Variants in CTNND2 observed in about 807,000 individuals in gnomAD.
CTNND2 encodes catenin delta 2.
In CTNND2, 22 loss-of-function variants were observed where a neutral mutation model predicts 144.4. The ratio of observed to expected loss-of-function variants is 0.15; its 90% CI spans 0.11 to 0.22. The LOEUF (loss-of-function observed/expected upper bound fraction) is 0.22. Ranked by LOEUF, CTNND2 falls within the 10% of genes least tolerant of loss-of-function variation. The pLI is 1.00. For synonymous variants in CTNND2, 751 were observed against 695.6 expected, an observed-to-expected ratio of 1.08 and a Z score of -1.25; for missense variants, 1,353 against 1,618.8, an observed-to-expected ratio of 0.84 and a Z score of 2.82.
intron 1 of CTNND2, among the ~76,000 whole-genome samples, chr5:11,807,441 C>T (rs1031776189): frequency 2.6e-5 from 4 of 152,100 alleles, no homozygotes; most frequent in Non-Finnish European, 5.9e-5. Flanking sequence ...TTTTAACTTA[C>T]GTGATATTCA....
intron 2 of CTNND2, among the ~76,000 whole-genome samples, chr5:11,638,898 C>T (rs1781847481): frequency 2.0e-5 from 3 of 152,120 alleles, no homozygotes; most frequent in Admixed American, 2.0e-4. Context: ...TAGAACAAGG[C>T]AGGTTTCTTA....
chr5:11,511,066 C>T (rs1338936249), intron 3 of CTNND2, among the ~76,000 whole-genome samples: 1 of 152,178 alleles, frequency 6.6e-6, no homozygotes, highest in Non-Finnish European at 1.5e-5. Flanking sequence ...TCCAAGTATG[C>T]TAACTGTATG....
At chr5:11,087,834 T>C (rs2149646337) in intron 15 of CTNND2, among the ~76,000 whole-genome samples, 1 of 152,296 alleles carries the variant, frequency 6.6e-6, no homozygotes, top group African/African-American at 2.4e-5. Context: ...CCCATATGTT[T>C]ATGCAATGCT....
chr5:11,648,802 T>C (rs1020123712), intron 2 of CTNND2, among the ~76,000 whole-genome samples: 5 of 152,192 alleles, frequency 3.3e-5, no homozygotes, highest in African/African-American at 4.8e-5. Flanking sequence ...TTAATCTCAC[T>C]GGATTAATTT....
intron 14 of CTNND2, among the ~76,000 whole-genome samples, chr5:11,103,064 C>G (rs1752071797): frequency 6.8e-6 from 1 of 146,286 alleles, no homozygotes; most frequent in Non-Finnish European, 1.5e-5. Context: ...TCACTGCAAC[C>G]TCTGCCTCCT....
At chr5:11,813,732 G>A (rs7446846) in intron 1 of CTNND2, among the ~76,000 whole-genome samples, 12,251 of 152,072 alleles carry the variant, frequency 0.081, 1,423 homozygotes, top group African/African-American at 0.26. Context: ...TAGGCTGGGC[G>A]CAAACTCCTG....
intron 7 of CTNND2, among the ~76,000 whole-genome samples, chr5:11,380,576 T>A (rs1205540889): frequency 1.3e-5 from 2 of 152,196 alleles, no homozygotes; most frequent in African/African-American, 4.8e-5. Flanking sequence ...ATATGATTTT[T>A]TTAAATAAAA....
chr5:11,467,261 T>TGG (rs1766768326), intron 3 of CTNND2, among the ~76,000 whole-genome samples: 1 of 152,202 alleles, frequency 6.6e-6, no homozygotes, highest in Non-Finnish European at 1.5e-5. Context: ...CCAGGCGTGA[T>TGG]GGGCAAGCTC....
chr5:11,461,302 A>G (rs1486357029), intron 3 of CTNND2, among the ~76,000 whole-genome samples: 1 of 152,164 alleles, frequency 6.6e-6, no homozygotes, highest in African/African-American at 2.4e-5. Context: ...CTGGAAATGC[A>G]TGCAGAATGC....
chr5:11,140,551 A>T (rs1756622799), intron 12 of CTNND2, among the ~76,000 whole-genome samples: 1 of 152,176 alleles, frequency 6.6e-6, no homozygotes, highest in South Asian at 2.1e-4. Flanking sequence ...CTCTATAACT[A>T]CCTATTGAGA....
At chr5:11,485,206 C>A (rs1325974521) in intron 3 of CTNND2, among the ~76,000 whole-genome samples, 3 of 152,014 alleles carry the variant, frequency 2.0e-5, no homozygotes, top group Admixed American at 2.0e-4. Flanking sequence ...AACATAAAAA[C>A]AAAATGTAGA....
Position 11,452,412 on chromosome 5 carries a change from A to C in CTNND2, c.288-40343T>G, listed in dbSNP as rs76001508. On this transcript the variant is annotated intron_variant, in intron 3 of 21. Transcript: ENST00000304623. ...TAATTTCTCTTAAAAGTATCGAAAA[A>C]ATAATTTTTAAAAATGTGACTGGAA... Among the ~76,000 whole-genome samples, 852 of 152,288 alleles carry C rather than the reference A, an allele frequency of 5.6e-3. 4 individuals carry two copies. The highest frequency in any genetic ancestry group is 0.02 in the African/African-American group (825 of 41,546).
chr5:11,897,484 G>C (rs1227126836), intron 1 of CTNND2, among the ~76,000 whole-genome samples: 1 of 152,126 alleles, frequency 6.6e-6, no homozygotes, highest in Non-Finnish European at 1.5e-5. Flanking sequence ...GGCAGAAAAA[G>C]CTGTGGAAAA....
rs143760488 is a variant in CTNND2, at chr5:11,747,951, G to A, written c.38-15679C>T. ...CCACTTCACAATTTCTCAAGATACC[G>A]AAGCTCAATGACACATCTAGTTTTT... On this transcript the variant is annotated intron_variant, in intron 1 of 21. Coordinates refer to ENST00000304623, the MANE Select transcript of CTNND2 (RefSeq NM_001332.4). Among the ~76,000 whole-genome samples the A allele has an allele frequency of 1.2e-3, 183 of 152,158 alleles. 1 individual carries two copies. Among genetic ancestry groups the A allele is most frequent in the Non-Finnish European group, 2.1e-3 (142 of 68,000 alleles).
chr5:11,225,105 C>A (rs531468228), intron 10 of CTNND2, among the ~76,000 whole-genome samples: 23 of 152,168 alleles, frequency 1.5e-4, no homozygotes, highest in Admixed American at 3.9e-4. Context: ...ACAAAAAAAA[C>A]CAGGAACTTG....
intron 1 of CTNND2, among the ~76,000 whole-genome samples, chr5:11,756,823 G>T (rs1372534335): frequency 6.6e-6 from 1 of 151,264 alleles, no homozygotes; most frequent in East Asian, 2.0e-4. Context: ...AACATTTTTA[G>T]TTCTCTCCTC....
chr5:11,874,854 C>T (rs1735437556), intron 1 of CTNND2, among the ~76,000 whole-genome samples: 1 of 152,182 alleles, frequency 6.6e-6, no homozygotes, highest in African/African-American at 2.4e-5. Flanking sequence ...CCCAGATAGC[C>T]TGTACTATTC....
intron 10 of CTNND2, among the ~76,000 whole-genome samples, chr5:11,212,540 T>C (rs1194919717): frequency 6.6e-6 from 1 of 152,188 alleles, no homozygotes; most frequent in Non-Finnish European, 1.5e-5. Context: ...GGCCCTTAAA[T>C]TCACCCAAAG....
chr5:11,800,927 G>A (rs1385818552), intron 1 of CTNND2, among the ~76,000 whole-genome samples: 1 of 152,162 alleles, frequency 6.6e-6, no homozygotes, highest in Admixed American at 6.5e-5. Flanking sequence ...TTAAGTAGCA[G>A]TAACATGCTA....
Sources: gnomAD v4.1 joint callset for allele counts (sites outside exome capture counted in the v4.1 genomes callset) on GRCh38, gnomAD v4.1.1 for gene constraint, MANE v1.5 for transcripts, NCBI Gene and HGNC (gene_info 2026-07-23, HGNC 2026-07-21) for gene names.